Variants in FHIT observed in about 807,000 individuals in gnomAD.
FHIT encodes bis(5'-adenosyl)-triphosphatase.
FHIT carries 19 observed loss-of-function variants against 17.9 expected under a neutral mutation model. The observed-to-expected ratio is 1.06, with a 90% CI of 0.74 to 1.56. The LOEUF (loss-of-function observed/expected upper bound fraction) is 1.56, where lower values mean the gene tolerates loss of function less well. FHIT is among the 40% of genes most tolerant of loss of function. The pLI is 0.00. For synonymous variants in FHIT, 81 were observed against 69.7 expected (o/e 1.16, Z -0.81); for missense variants, 248 against 189.2 (o/e 1.31, Z -1.82).
chr3:60,204,514 C>T (rs887357125), intron 5 of FHIT, among the ~76,000 whole-genome samples: 5 of 150,626 alleles, frequency 3.3e-5, no homozygotes, highest in Non-Finnish European at 7.4e-5. Context: ...TGGTCTTGAA[C>T]TCCCGGGCTC....
chr3:61,237,739 C>T (rs2040267921), intron 1 of FHIT, among the ~76,000 whole-genome samples: 1 of 152,142 alleles, frequency 6.6e-6, no homozygotes. Flanking sequence ...CTTACAACAG[C>T]TCTAAGAGCT....
intron 1 of FHIT, among the ~76,000 whole-genome samples, chr3:61,211,679 T>A (rs2039480304): frequency 6.6e-6 from 1 of 152,168 alleles, no homozygotes; most frequent in African/African-American, 2.4e-5. Context: ...CAGCCAGAGA[T>A]CTGAGAATGG....
chr3:59,873,806 T>G (rs1703030079), intron 8 of FHIT, among the ~76,000 whole-genome samples: 1 of 152,162 alleles, frequency 6.6e-6, no homozygotes, highest in African/African-American at 2.4e-5. Flanking sequence ...GGGAAATTAT[T>G]AATAGTACTC....
chr3:59,898,048 T>G (rs530644355), intron 8 of FHIT, among the ~76,000 whole-genome samples: 28 of 152,280 alleles, frequency 1.8e-4, no homozygotes, highest in African/African-American at 6.5e-4. Flanking sequence ...ATTACAGGCA[T>G]CAGCCACGGT....
chr3:60,011,889 T>A (rs1031374593), intron 6 of FHIT, among the ~76,000 whole-genome samples: 1 of 152,222 alleles, frequency 6.6e-6, no homozygotes, highest in Non-Finnish European at 1.5e-5. Flanking sequence ...GTAGTGTTCA[T>A]TGTAGCTGGA....
intron 8 of FHIT, among the ~76,000 whole-genome samples, chr3:59,897,446 A>G (rs188586365): frequency 3.3e-5 from 5 of 152,250 alleles, no homozygotes; most frequent in East Asian, 1.9e-4. Context: ...ATCACATTCT[A>G]TTACAATCAT....
intron 8 of FHIT, among the ~76,000 whole-genome samples, chr3:59,790,144 C>CA (rs1464320837): frequency 1.2e-4 from 18 of 152,220 alleles, no homozygotes; most frequent in African/African-American, 4.3e-4. Flanking sequence ...AGATTGGGTA[C>CA]AAAATAGTAT....
chr3:60,641,831 G>C (rs2039732076), intron 4 of FHIT, among the ~76,000 whole-genome samples: 1 of 152,118 alleles, frequency 6.6e-6, no homozygotes, highest in South Asian at 2.1e-4. Context: ...CAACTTTGAA[G>C]AGAAATAAAC....
At chr3:60,271,701 C>T (rs73835236) in intron 5 of FHIT, among the ~76,000 whole-genome samples, 2,082 of 152,258 alleles carry the variant, frequency 0.014, 39 homozygotes, top group African/African-American at 0.048. Flanking sequence ...ATAAAAAAGT[C>T]CTATACTAAG....
chr3:60,765,822 G>T (rs1165001854), intron 4 of FHIT, among the ~76,000 whole-genome samples: 2 of 152,202 alleles, frequency 1.3e-5, no homozygotes, highest in African/African-American at 4.8e-5. Context: ...CCAAATGCAG[G>T]TGGAAGAAGG....
chr3:61,217,819 A>G (rs957570870), intron 1 of FHIT, among the ~76,000 whole-genome samples: 4 of 152,254 alleles, frequency 2.6e-5, no homozygotes, highest in African/African-American at 9.6e-5. Context: ...TAGATATCAA[A>G]GGTTTCTTAT....
intron 1 of FHIT, among the ~76,000 whole-genome samples, chr3:61,210,600 C>T (rs779388305): frequency 1.6e-4 from 25 of 152,300 alleles, no homozygotes; most frequent in Non-Finnish European, 8.8e-5. Context: ...TAGGGCCCTC[C>T]GAGCCATGTG....
chr3:60,246,129 A>G (rs1705383804), intron 5 of FHIT, among the ~76,000 whole-genome samples: 1 of 152,150 alleles, frequency 6.6e-6, no homozygotes, highest in African/African-American at 2.4e-5. Context: ...GCAGACCAGT[A>G]AAGAGGCATT....
At chr3:60,372,940 G>T (rs1293087629) in intron 5 of FHIT, among the ~76,000 whole-genome samples, 1 of 152,152 alleles carries the variant, frequency 6.6e-6, no homozygotes, top group Non-Finnish European at 1.5e-5. Flanking sequence ...TAATCCACTG[G>T]TGGTGTGTTC....
At chr3:60,559,246 G>A (rs773223778) in intron 4 of FHIT, among the ~76,000 whole-genome samples, 1 of 152,070 alleles carries the variant, frequency 6.6e-6, no homozygotes, top group African/African-American at 2.4e-5. Context: ...AAATAAATAA[G>A]GAGACAATTA....
At chr3:59,842,381 C>T (rs112556152) in intron 8 of FHIT, among the ~76,000 whole-genome samples, 1,606 of 152,282 alleles carry the variant, frequency 0.011, 13 homozygotes, top group Admixed American at 0.017. Context: ...TGAACATGGG[C>T]GTACAAACAT....
At chr3:61,184,243 C>A (rs1290027591) in intron 2 of FHIT, among the ~76,000 whole-genome samples, 5 of 152,122 alleles carry the variant, frequency 3.3e-5, no homozygotes, top group African/African-American at 4.8e-5. Context: ...CTCATGTTTA[C>A]AGTTATTCAT....
chr3:59,915,766 C>T (rs1705105010), intron 8 of FHIT, among the ~76,000 whole-genome samples: 2 of 152,034 alleles, frequency 1.3e-5, no homozygotes, highest in Admixed American at 1.3e-4. Context: ...ATTGCGAGAC[C>T]TGTCTCTACA....
intron 1 of FHIT, among the ~76,000 whole-genome samples, chr3:61,212,659 A>G (rs887432896): frequency 7.2e-5 from 11 of 152,180 alleles, no homozygotes; most frequent in African/African-American, 1.7e-4. Context: ...GAACGCCACA[A>G]AGATACTCCT....
Sources: allele counts gnomAD v4.1 joint callset (sites outside exome capture counted in the v4.1 genomes callset), GRCh38; gene constraint gnomAD v4.1.1; transcripts MANE v1.5; gene names NCBI Gene and HGNC (gene_info 2026-07-23, HGNC 2026-07-21).